Variants in CMTM4 observed in about 807,000 individuals in gnomAD.
CMTM4 encodes the protein CKLF-like MARVEL transmembrane domain-containing protein 4.
A neutral mutation model predicts 19.0 loss-of-function variants in CMTM4; 8 were observed. The observed-to-expected ratio is 0.42, with a 90% CI of 0.25 to 0.76. The LOEUF is 0.76. CMTM4 is among the 30% of genes least tolerant of loss of function. CMTM4 has a pLI of 0.27. For missense variants in CMTM4, 228 were observed against 290.2 expected (o/e 0.79, Z 1.56); for synonymous variants, 106 against 121.1 (o/e 0.88, Z 0.82).
intron 3 of CMTM4, 40 bp downstream of exon 3, chr16:66,623,364 T>G (rs768876465): frequency 6.7e-7 from 1 of 1,487,954 alleles, no homozygotes; most frequent in South Asian, 1.2e-5. Flanking sequence ...TCACAGGAGG[T>G]CCCCAGATCA....
chr16:66,671,026 A>T (rs1359742982), intron 1 of CMTM4, among the ~76,000 whole-genome samples: 1 of 152,180 alleles, frequency 6.6e-6, no homozygotes, highest in African/African-American at 2.4e-5. Context: ...ACTTTTTAAA[A>T]CAAGGGACAC....
intron 1 of CMTM4, among the ~76,000 whole-genome samples, chr16:66,683,154 T>TAC (rs2016954581): frequency 8.0e-6 from 1 of 124,560 alleles, no homozygotes; most frequent in Non-Finnish European, 1.6e-5. Flanking sequence ...TATGTATATA[T>TAC]ATATACGTAT....
At chr16:66,626,611 A>G (rs190362416) in intron 2 of CMTM4, among the ~76,000 whole-genome samples, 2 of 152,102 alleles carry the variant, frequency 1.3e-5, no homozygotes, top group Non-Finnish European at 2.9e-5. Context: ...CTCTCAAAAA[A>G]AAAACAAAGT....
At chr16:66,693,480 C>T (rs945394690) in intron 1 of CMTM4, among the ~76,000 whole-genome samples, 1 of 152,182 alleles carries the variant, frequency 6.6e-6, no homozygotes, top group African/African-American at 2.4e-5. Context: ...GAAGTATCTT[C>T]ATAATGACTT....
At chr16:66,613,994 G>A (rs1417434330), downstream of CMTM4, 4 of 151,950 alleles carry the variant, frequency 2.6e-5, no homozygotes, top group East Asian at 1.9e-4. Context: ...GAGGGTGGGA[G>A]GGGATGGTTT....
chr16:66,600,130 G>A, the CMTM4 span, among the ~76,000 whole-genome samples: 1 of 143,358 alleles, frequency 7.0e-6, no homozygotes, highest in Admixed American at 7.1e-5. Flanking sequence ...GTGTGTGTGT[G>A]TGTGTGTTTT....
At chr16:66,610,740 C>T, downstream of CMTM4, 3 of 398,492 alleles carry the variant, frequency 7.5e-6, no homozygotes, top group Non-Finnish European at 8.8e-6. The surrounding 1 kb of genome is among the most constrained non-coding windows in gnomAD (Gnocchi z 4.6). Flanking sequence ...TGTGGCTGGA[C>T]AGGTAGACAA....
intron 1 of CMTM4, among the ~76,000 whole-genome samples, chr16:66,682,290 T>C (rs1451300938): frequency 6.6e-6 from 1 of 152,222 alleles, no homozygotes; most frequent in African/African-American, 2.4e-5. Flanking sequence ...GTTATACACA[T>C]TTCTAGGGCT....
chr16:66,624,668 G>A (rs1049588553), intron 2 of CMTM4, among the ~76,000 whole-genome samples: 6 of 152,236 alleles, frequency 3.9e-5, no homozygotes, highest in African/African-American at 1.4e-4. Context: ...TTGGGCAGCT[G>A]AAGTACGAGA....
chr16:66,618,825 G>GC lies in CMTM4; in HGVS notation c.*3232dup. The GC allele has an allele frequency of 4.1e-6, 4 of 985,520 alleles. No individual in the cohort carries two copies. Among genetic ancestry groups the GC allele is most frequent in the Non-Finnish European group, 4.8e-6 (4 of 829,958 alleles). The allele number at this position is 985,520 out of a possible 1,614,324, so 61.0% of individuals were successfully genotyped here. ...TGGAGGTCAGACACATTCCCTGGCT[G>GC]CCCACAGGCGTGAGCCTTCCTGCCA... On this transcript the variant is annotated 3_prime_UTR_variant, in exon 4 of 4. Coordinates refer to ENST00000394106, the MANE Select transcript of CMTM4 (RefSeq NM_181521.3).
the CMTM4 span, chr16:66,608,558 T>TAGAGAA: frequency 7.7e-7 from 1 of 1,293,460 alleles, no homozygotes; most frequent in Non-Finnish European, 1.1e-6. This position sits in a 1 kb window ranked among gnomAD's most constrained non-coding sequence, Gnocchi z 5.1. Flanking sequence ...ATCCTTTCTC[T>TAGAGAA]AGTGTGCTGG....
At chr16:66,633,436 C>T (rs1017731629) in intron 2 of CMTM4, among the ~76,000 whole-genome samples, 1 of 152,098 alleles carries the variant, frequency 6.6e-6, no homozygotes, top group African/African-American at 2.4e-5. Flanking sequence ...GCCAACCCTT[C>T]TGTAGCGAGT....
intron 1 of CMTM4, among the ~76,000 whole-genome samples, chr16:66,651,076 T>C (rs1478681682): frequency 1.3e-5 from 2 of 152,196 alleles, no homozygotes; most frequent in East Asian, 3.9e-4. Context: ...GGCTAGTTGT[T>C]AACGGCTGCT....
chr16:66,602,137 C>A, the CMTM4 span, among the ~76,000 whole-genome samples: 4 of 152,372 alleles, frequency 2.6e-5, no homozygotes, highest in South Asian at 8.3e-4. Context: ...TGGCTCACGC[C>A]TGTAATCCCA....
intron 1 of CMTM4, among the ~76,000 whole-genome samples, chr16:66,671,740 G>A (rs2016711486): frequency 1.3e-5 from 2 of 152,086 alleles, no homozygotes; most frequent in African/African-American, 4.8e-5. Flanking sequence ...ACCATCAGAT[G>A]CCCTCTGGCA....
In CMTM4 at chr16:66,636,720, C is replaced by T. The variant is rs563343980; in HGVS notation, c.187-139G>A. 4.1e-5 allele frequency: 27 copies of T among 666,430 alleles called. No homozygotes were observed. The East Asian group carries it at 5.2e-4, about 13-fold the overall frequency. 41.3% of individuals were successfully genotyped at this position (666,430 alleles called of 1,614,324 possible). ...TCCTCTGGGACAGCAGTGTAACTGT[C>T]GGAAATCAGACCTGCTTCAATTCTT... is the stretch of plus-strand genomic sequence containing the variant. On this transcript the variant is annotated intron_variant, in intron 1 of 3. Transcript: ENST00000394106.
chr16:66,686,124 G>A (rs1381772561), intron 1 of CMTM4, among the ~76,000 whole-genome samples: 4 of 152,076 alleles, frequency 2.6e-5, no homozygotes, highest in African/African-American at 2.4e-5. Flanking sequence ...GTGGTGGCAC[G>A]CGCCTGTAGT....
intron 1 of CMTM4, among the ~76,000 whole-genome samples, chr16:66,638,458 T>G (rs945566658): frequency 1.3e-5 from 2 of 152,238 alleles, no homozygotes; most frequent in Non-Finnish European, 2.9e-5. Context: ...TGGGTCTTCT[T>G]GGTCAAAGGA....
In CMTM4 at chr16:66,671,865, T is replaced by TA. The variant is rs397959180; in HGVS notation, c.186+24474dup. ...GACCCGGTCTCTACAAAAAAATATTTAAAAAAAAAAATTAGCCAGGAGTGG... is the reference window on the plus strand; with the variant it reads ...GACCCGGTCTCTACAAAAAAATATTTAAAAAAAAAAAATTAGCCAGGAGTGG... On this transcript the variant is annotated intron_variant, in intron 1 of 3. Coordinates refer to ENST00000394106, the MANE Select transcript of CMTM4 (RefSeq NM_181521.3). Among the ~76,000 whole-genome samples, 888 of 147,606 alleles carry TA rather than the reference T, an allele frequency of 6.0e-3. 13 individuals are homozygous for TA. The East Asian group carries it at 0.069, about 12-fold the overall frequency.
Sources: allele counts gnomAD v4.1 joint callset (sites outside exome capture counted in the v4.1 genomes callset), GRCh38; gene constraint gnomAD v4.1.1; non-coding constraint Gnocchi (gnomAD v3.1); transcripts MANE v1.5; gene names NCBI Gene and HGNC (gene_info 2026-07-23, HGNC 2026-07-21).